CYREN: variants seen among roughly 807,000 people sequenced by gnomAD.
CYREN encodes the protein cell cycle regulator of non-homologous end joining.
A neutral mutation model predicts 9.7 loss-of-function variants in CYREN; 7 were observed. The ratio of observed to expected loss-of-function variants is 0.72; its 90% CI spans 0.41 to 1.36. The LOEUF (loss-of-function observed/expected upper bound fraction) is 1.36, where lower values mean the gene tolerates loss of function less well. Ranked by LOEUF, CYREN falls within the 40% of genes most tolerant of loss-of-function variation. CYREN has a pLI of 0.01. For synonymous variants in CYREN, 76 were observed against 77.9 expected (o/e 0.98, Z 0.13); for missense variants, 215 against 198.1 (o/e 1.09, Z -0.51).
At chr7:135,115,375 C>T (rs1247641148) in intron 2 of CYREN, 1 of 1,541,230 alleles carries the variant, frequency 6.5e-7, no homozygotes, top group Non-Finnish European at 8.8e-7. Context: ...GTGGTTGCTC[C>T]CCAGATCTGC....
chr7:135,130,764 C>G (rs1358861603), intron 2 of CYREN, among the ~76,000 whole-genome samples: 1 of 152,094 alleles, frequency 6.6e-6, no homozygotes, highest in Non-Finnish European at 1.5e-5. Flanking sequence ...TAAAGGTCTT[C>G]TCTAACAAGC....
At chr7:135,107,288 TA>T (rs1316986191) in intron 2 of CYREN, among the ~76,000 whole-genome samples, 4 of 152,226 alleles carry the variant, frequency 2.6e-5, no homozygotes, top group Admixed American at 2.0e-4. Flanking sequence ...CTTCTCTAGT[TA>T]TTTTAGTTGT....
At position 135,166,389 on chromosome 7, in the gene CYREN, AT is replaced by A. The variant is rs1414133078; in HGVS notation, c.*221del. On this transcript the variant is annotated 3_prime_UTR_variant, in exon 4 of 4. Coordinates refer to ENST00000393114, the MANE Select transcript of CYREN (RefSeq NM_024033.4). The stretch of plus-strand genomic sequence containing the variant: ...GTACATACAGAGGGAGTCAAATGGG[AT>A]CTCATTTTGAGTCCTGCCTTCCGCA... The A allele has an allele frequency of 5.3e-6, 3 of 565,822 alleles. No individual in the cohort carries two copies. The highest frequency in any genetic ancestry group is 6.6e-5 in the Admixed American group (2 of 30,080). The allele number at this position is 565,822 out of a possible 1,614,324, so 35.1% of individuals were successfully genotyped here.
chr7:135,156,017 G>T (rs1829782949), intron 2 of CYREN, among the ~76,000 whole-genome samples: 1 of 147,816 alleles, frequency 6.8e-6, no homozygotes, highest in South Asian at 2.3e-4. Flanking sequence ...AAAATTCTTG[G>T]CTGACAGACA....
intron 2 of CYREN, among the ~76,000 whole-genome samples, chr7:135,132,162 G>A (rs950217064): frequency 1.3e-5 from 2 of 152,118 alleles, no homozygotes; most frequent in Admixed American, 6.5e-5. Flanking sequence ...TTCATTTTAT[G>A]AAGCCACTGT....
In CYREN at chr7:135,150,350, C is replaced by T. The variant is rs575785287; in HGVS notation, n.356+18399G>A. ...TCTCACTCACCCTGTTTATTTCTTT[C>T]CCAAACCTTTTCAAAAATTATAATT... On this transcript the variant is annotated intron_variant and non_coding_transcript_variant, in intron 2 of 2. Coordinates refer to the CYREN transcript ENST00000459937. Among the ~76,000 whole-genome samples the T allele has an allele frequency of 2.6e-5, 4 of 152,254 alleles. No homozygotes were observed. In the East Asian group the frequency reaches 7.7e-4, roughly 29 times the overall value.
At chr7:135,156,043 T>TC (rs1375475434) in intron 2 of CYREN, among the ~76,000 whole-genome samples, 1 of 147,488 alleles carries the variant, frequency 6.8e-6, no homozygotes, top group East Asian at 1.9e-4. Flanking sequence ...TTTTTTTTTT[T>TC]CCCTTTAGCA....
At chr7:135,116,186 AC>A (rs1195699026) in intron 2 of CYREN, among the ~76,000 whole-genome samples, 1 of 152,238 alleles carries the variant, frequency 6.6e-6, no homozygotes, top group Non-Finnish European at 1.5e-5. Context: ...ATATATGTAT[AC>A]ACTTTACATT....
chr7:135,171,903 G>C (rs527401848), upstream of CYREN, among the ~76,000 whole-genome samples: 1 of 152,256 alleles, frequency 6.6e-6, no homozygotes, highest in African/African-American at 2.4e-5. Flanking sequence ...GCAGGCTCCC[G>C]AGAAGGATTA....
In CYREN at chr7:135,151,984, CACT is replaced by C. The variant is rs1043942381; in HGVS notation, n.356+16762_356+16764del. On this transcript the variant is annotated intron_variant and non_coding_transcript_variant, in intron 2 of 2. Transcript: ENST00000459937. The surrounding 1 kb of genome is among the most constrained non-coding windows in gnomAD (Gnocchi z 4.3). ...ACTATTTGTCTTCCTAGAATCTCAC[CACT>C]GTCAGGCTGGTAGCCTGGGCTTAAC... Among the ~76,000 whole-genome samples the C allele has an allele frequency of 2.0e-5, 3 of 152,202 alleles. No individual in the cohort carries two copies. The highest frequency in any genetic ancestry group is 7.2e-5 in the African/African-American group (3 of 41,434).
intron 2 of CYREN, among the ~76,000 whole-genome samples, chr7:135,105,273 T>C (rs911050599): frequency 6.6e-6 from 1 of 152,164 alleles, no homozygotes; most frequent in Admixed American, 6.6e-5. Flanking sequence ...TTTCACCATG[T>C]TGGCCAGGCT....
At position 135,167,752 on chromosome 7, in the gene CYREN, C is replaced by G; in HGVS notation, c.193G>C (p.Ala65Pro). The G allele has an allele frequency of 1.2e-6, 2 of 1,614,150 alleles. No individual in the cohort carries two copies. The highest frequency in any genetic ancestry group is 1.7e-6 in the Non-Finnish European group (2 of 1,180,008). The change falls in exon 3 of 4, where the codon GCT becomes CCT. Residue 65 changes from alanine to proline, a missense_variant. Physicochemically the swap from Ala to Pro is conservative, Grantham distance 27. Coordinates refer to ENST00000393114, the MANE Select transcript of CYREN (RefSeq NM_024033.4). ...TTTACCTCAATCAGGATTCCCAGAG[C>G]AACATCAACTATCTCAGCCTCATTC... is the stretch of plus-strand genomic sequence containing the variant. ...CMNEAEIVDV[A>P]LGILIESRKQ... is the part of the protein sequence containing the mutation.
At chr7:135,160,780 A>T (rs1171474216) in intron 2 of CYREN, among the ~76,000 whole-genome samples, 1 of 152,160 alleles carries the variant, frequency 6.6e-6, no homozygotes, top group Non-Finnish European at 1.5e-5. Context: ...GTATCAAAAT[A>T]ACAAAACTGA....
chr7:135,168,014 C>G, intron 2 of CYREN: 1 of 806,412 alleles, frequency 1.2e-6, no homozygotes, highest in Non-Finnish European at 1.9e-6. Context: ...GGAGGCAACA[C>G]CGGGGTGCCT....
rs373081168 is a variant in CYREN, at chr7:135,094,247, CA to C, written n.691del. 763 of 385,066 alleles carry C rather than the reference CA, an allele frequency of 2.0e-3. 14 individuals are homozygous for C. The highest frequency in any genetic ancestry group is 0.012 in the South Asian group (599 of 50,528). 23.9% of individuals were successfully genotyped at this position (385,066 alleles called of 1,614,324 possible). A position where few individuals can be genotyped will look rare whatever the true frequency, so the allele number is the denominator to read the frequency against. On this transcript the variant is annotated non_coding_transcript_exon_variant, in exon 3 of 3. Transcript: ENST00000459937. ...GTCAACATTCCTGTCCTTACAACAA[CA>C]AAAAAGCTGAACAAACTAAAAATCA...
At chr7:135,170,888 C>G (rs1411728584), upstream of CYREN, 2 of 152,370 alleles carry the variant, frequency 1.3e-5, no homozygotes, top group South Asian at 4.1e-4. Flanking sequence ...GTGGTAATGC[C>G]GCCGGCTGGC....
At chr7:135,152,527 A>G (rs747090269) in intron 2 of CYREN, among the ~76,000 whole-genome samples, 9 of 152,222 alleles carry the variant, frequency 5.9e-5, no homozygotes, top group Non-Finnish European at 8.8e-5. Context: ...TCTACCCTAC[A>G]TGGTTGTAAG....
At chr7:135,160,285 T>A (rs11761059) in intron 2 of CYREN, among the ~76,000 whole-genome samples, 244 of 152,374 alleles carry the variant, frequency 1.6e-3, no homozygotes, top group Middle Eastern at 3.4e-3. Flanking sequence ...GGAAAAGGTT[T>A]ATCTAAAAAT....
chr7:135,130,780 G>C (rs1365721520), intron 2 of CYREN, among the ~76,000 whole-genome samples: 1 of 152,090 alleles, frequency 6.6e-6, no homozygotes, highest in Non-Finnish European at 1.5e-5. Flanking sequence ...CAAGCTATGG[G>C]AATTTGGCTT....
Sources: gnomAD v4.1 joint callset for allele counts (sites outside exome capture counted in the v4.1 genomes callset) on GRCh38, gnomAD v4.1.1 for gene constraint, Gnocchi (gnomAD v3.1) non-coding constraint, MANE v1.5 for transcripts, NCBI Gene and HGNC (gene_info 2026-07-23, HGNC 2026-07-21) for gene names.